SLC14A2: variants seen among roughly 807,000 people sequenced by gnomAD.
SLC14A2 encodes solute carrier family 14 member 2.
Under a neutral mutation model 104.6 loss-of-function variants are expected in SLC14A2, and 91 were observed. The ratio of observed to expected loss-of-function variants is 0.87; its 90% CI spans 0.73 to 1.04. The LOEUF (loss-of-function observed/expected upper bound fraction) is 1.04, where lower values mean the gene tolerates loss of function less well. Ranked by LOEUF, SLC14A2 falls within the 50% of genes least tolerant of loss-of-function variation. The pLI, the probability that SLC14A2 is intolerant of heterozygous loss-of-function variation, is 0.00. For synonymous variants in SLC14A2, 476 were observed against 466.4 expected, an observed-to-expected ratio of 1.02 and a Z score of -0.27; for missense variants, 1,189 against 1,156.0, an observed-to-expected ratio of 1.03 and a Z score of -0.41.
intron 1 of SLC14A2, chr18:45,483,025 CTT>C (rs1169451349): frequency 6.6e-6 from 1 of 152,178 alleles, no homozygotes; most frequent in African/African-American, 2.4e-5. Context: ...ATGAAACACT[CTT>C]TAAGTGTTCC....
the SLC14A2 span, among the ~76,000 whole-genome samples, chr18:45,196,847 C>T: frequency 6.6e-6 from 1 of 152,324 alleles, no homozygotes; most frequent in South Asian, 2.1e-4. Flanking sequence ...GCGAATAGAA[C>T]TAATATCCTT....
intron 1 of SLC14A2, among the ~76,000 whole-genome samples, chr18:45,408,711 A>C (rs186822753): frequency 2.6e-5 from 4 of 152,324 alleles, no homozygotes; most frequent in Non-Finnish European, 5.9e-5. Context: ...CATGTATTTG[A>C]AACTACATCG....
intron 1 of SLC14A2, among the ~76,000 whole-genome samples, chr18:45,395,398 G>A (rs1040790230): frequency 6.6e-6 from 1 of 152,184 alleles, no homozygotes; most frequent in Non-Finnish European, 1.5e-5. Flanking sequence ...TTTGGAGGCT[G>A]AGTAGAATGG....
intron 2 of SLC14A2, among the ~76,000 whole-genome samples, chr18:45,516,188 C>A (rs2043438222): frequency 6.6e-6 from 1 of 152,126 alleles, no homozygotes; most frequent in African/African-American, 2.4e-5. Context: ...TATAGTTTTT[C>A]CTTTATTTCC....
At chr18:45,319,188 T>G (rs1213265621) in intron 1 of SLC14A2, among the ~76,000 whole-genome samples, 2 of 152,200 alleles carry the variant, frequency 1.3e-5, no homozygotes, top group Non-Finnish European at 2.9e-5. Context: ...CTTCCATGCT[T>G]TGAGGCTCAG....
At chr18:45,532,687 A>C (rs1288694916) in intron 2 of SLC14A2, among the ~76,000 whole-genome samples, 1 of 151,834 alleles carries the variant, frequency 6.6e-6, no homozygotes, top group Non-Finnish European at 1.5e-5. Flanking sequence ...AATACCCTTT[A>C]TTTCCTTCTC....
At chr18:45,247,310 T>G (rs1191607157) in intron 1 of SLC14A2, among the ~76,000 whole-genome samples, 1 of 152,236 alleles carries the variant, frequency 6.6e-6, no homozygotes, top group Non-Finnish European at 1.5e-5. Flanking sequence ...TAAACACATC[T>G]ATTGTATAAA....
intron 2 of SLC14A2, among the ~76,000 whole-genome samples, chr18:45,576,955 A>AT (rs1263314006): frequency 1.3e-5 from 2 of 151,980 alleles, no homozygotes; most frequent in Non-Finnish European, 2.9e-5. Context: ...TAGGTTTAGG[A>AT]TTGTCTAGTT....
intron 2 of SLC14A2, chr18:45,489,950 G>A (rs1456063639): frequency 2.0e-5 from 3 of 152,130 alleles, no homozygotes; most frequent in African/African-American, 4.8e-5. Context: ...TGACAGGTGA[G>A]GAAACTGAAA....
intron 1 of SLC14A2, among the ~76,000 whole-genome samples, chr18:45,323,597 T>A (rs2085205728): frequency 6.6e-6 from 1 of 152,208 alleles, no homozygotes; most frequent in Non-Finnish European, 1.5e-5. Flanking sequence ...CCTCTAAAAT[T>A]GCCGTTTTTG....
intron 1 of SLC14A2, among the ~76,000 whole-genome samples, chr18:45,388,128 T>C (rs1481007076): frequency 7.9e-6 from 1 of 127,002 alleles, no homozygotes; most frequent in Non-Finnish European, 1.6e-5. Context: ...CAGGCTGGAG[T>C]GCAGTGGCGA....
intron 1 of SLC14A2, among the ~76,000 whole-genome samples, chr18:45,425,132 C>G (rs150317043): frequency 6.6e-6 from 1 of 152,248 alleles, no homozygotes; most frequent in Admixed American, 6.5e-5. Flanking sequence ...TTTCAAGGCA[C>G]GAATAAAAGT....
chr18:45,273,296 C>T (rs186860591), intron 1 of SLC14A2, among the ~76,000 whole-genome samples: 63 of 152,212 alleles, frequency 4.1e-4, no homozygotes, highest in African/African-American at 1.4e-3. Context: ...TCAAAATAGT[C>T]CCAGAAGTCT....
chr18:45,309,982 A>ATT (rs34459977), intron 1 of SLC14A2, among the ~76,000 whole-genome samples: 1 of 149,634 alleles, frequency 6.7e-6, no homozygotes, highest in Non-Finnish European at 1.5e-5. Flanking sequence ...AGGTATCCTG[A>ATT]TTTTTTTTTT....
At chr18:45,495,886 C>G (rs948252346) in intron 2 of SLC14A2, among the ~76,000 whole-genome samples, 3 of 152,192 alleles carry the variant, frequency 2.0e-5, no homozygotes, top group Admixed American at 1.3e-4. Flanking sequence ...GCTGCTATCC[C>G]AGCACCTTGG....
intron 1 of SLC14A2, among the ~76,000 whole-genome samples, chr18:45,313,988 T>C (rs914790933): frequency 3.3e-5 from 5 of 152,218 alleles, no homozygotes; most frequent in Non-Finnish European, 1.5e-5. Flanking sequence ...TTTGAAGTCA[T>C]GGATGCCCAT....
rs773407986 is a variant in SLC14A2 at position 45,551,876 on chromosome 18, T to A, written c.-35+68554T>A. On this transcript the variant is annotated intron_variant, in intron 2 of 20. Transcript: ENST00000586448. ...CTTATGTGGAAATTCCCTTTGTCCATCTGAATGCCACCTTCTGGAACACTG... is the reference window on the plus strand; with the variant it reads ...CTTATGTGGAAATTCCCTTTGTCCAACTGAATGCCACCTTCTGGAACACTG... Among the ~76,000 whole-genome samples the A allele has an allele frequency of 2.0e-5, 3 of 152,208 alleles. No individual in the cohort carries two copies. The South Asian group carries it at 6.2e-4, about 31-fold the overall frequency.
chr18:45,267,280 C>G (rs2084601525), intron 1 of SLC14A2, among the ~76,000 whole-genome samples: 1 of 152,156 alleles, frequency 6.6e-6, no homozygotes. Flanking sequence ...GAGAGCCTGA[C>G]TTTGCTCCCC....
intron 1 of SLC14A2, among the ~76,000 whole-genome samples, chr18:45,264,024 A>G (rs1170087774): frequency 6.6e-6 from 1 of 152,186 alleles, no homozygotes; most frequent in East Asian, 1.9e-4. Context: ...ACTAATGGCT[A>G]TTAACACAAG....
Sources: allele counts gnomAD v4.1 joint callset (sites outside exome capture counted in the v4.1 genomes callset), GRCh38; gene constraint gnomAD v4.1.1; transcripts MANE v1.5; gene names NCBI Gene and HGNC (gene_info 2026-07-23, HGNC 2026-07-21).